The following STIM1 variants were observed in gnomAD, a reference collection of about 807,000 sequenced individuals.
STIM1 encodes the protein stromal interaction molecule 1.
Under a neutral mutation model 74.7 loss-of-function variants are expected in STIM1, and 25 were observed. That is an observed-to-expected ratio of 0.33 (90% CI 0.24 to 0.47). The LOEUF (loss-of-function observed/expected upper bound fraction) is 0.47, where lower values mean the gene tolerates loss of function less well. Among genes scored for constraint, STIM1 ranks in the 20% least tolerant of loss-of-function variants. The probability of loss-of-function intolerance (pLI) is 1.00; values close to 1 mark genes in which losing one functional copy is unlikely to be tolerated. For missense variants in STIM1, 728 were observed against 920.8 expected, an observed-to-expected ratio of 0.79 and a Z score of 2.71; for synonymous variants, 328 against 348.8, an observed-to-expected ratio of 0.94 and a Z score of 0.66.
chr11:4,029,313 G>A (rs2094027188), intron 3 of STIM1, among the ~76,000 whole-genome samples: 1 of 152,128 alleles, frequency 6.6e-6, no homozygotes, highest in Admixed American at 6.6e-5. Context: ...CAGTGGAGTA[G>A]TACAGCAGGT....
intron 5 of STIM1, among the ~76,000 whole-genome samples, chr11:4,069,583 G>T (rs1313334672): frequency 1.3e-5 from 2 of 152,192 alleles, no homozygotes; most frequent in Non-Finnish European, 2.9e-5. Flanking sequence ...CAGAACTGAG[G>T]CTTCTGGTGA....
intron 1 of STIM1, among the ~76,000 whole-genome samples, chr11:3,874,312 G>C (rs1286245649): frequency 6.6e-6 from 1 of 152,066 alleles, no homozygotes; most frequent in African/African-American, 2.4e-5. Flanking sequence ...TCCTTCTCTG[G>C]TATGTGTTCC....
chr11:3,943,152 A>G (rs1460617930), intron 1 of STIM1, among the ~76,000 whole-genome samples: 1 of 152,034 alleles, frequency 6.6e-6, no homozygotes, highest in Admixed American at 6.5e-5. Flanking sequence ...GATGTTTTGT[A>G]TTTCCTAAGG....
chr11:4,063,021 A>C (rs954072290), intron 5 of STIM1, among the ~76,000 whole-genome samples: 3 of 152,232 alleles, frequency 2.0e-5, no homozygotes, highest in Non-Finnish European at 4.4e-5. Context: ...CACATATTAT[A>C]TAATTTTGTG....
intron 6 of STIM1, 64 bp downstream of exon 6, chr11:4,070,267 C>A: frequency 6.3e-7 from 1 of 1,598,458 alleles, no homozygotes; most frequent in African/African-American, 1.3e-5. Context: ...CTATTTCCAC[C>A]TGGGTGTGAG....
At chr11:3,896,390 C>T (rs1171092451) in intron 1 of STIM1, among the ~76,000 whole-genome samples, 1 of 152,150 alleles carries the variant, frequency 6.6e-6, no homozygotes, top group Non-Finnish European at 1.5e-5. Flanking sequence ...TTGACTTACT[C>T]ACGATCATAG....
In STIM1 at chr11:3,895,683, C is replaced by CTTTCT. The variant is rs1491307323; in HGVS notation, c.139+39276_139+39277insTCTTT. ...CTTTCTTTCTTTCTTTCCTTCCTTC[C>CTTTCT]TTCTTTCTTTCTTTCTTTCTTTCTT... On this transcript the variant is annotated intron_variant, in intron 1 of 12. Transcript: ENST00000526596. 1.6e-4 allele frequency among the ~76,000 whole-genome samples: 6 copies of CTTTCT among 37,998 alleles called. 2 individuals are homozygous for CTTTCT. The highest frequency in any genetic ancestry group is 9.8e-4 in the South Asian group (1 of 1,020). The allele number at this position is 37,998 out of a possible 152,430, so 24.9% of individuals were successfully genotyped here. A position where few individuals can be genotyped will look rare whatever the true frequency, so the allele number is the denominator to read the frequency against.
intron 12 of STIM1, among the ~76,000 whole-genome samples, chr11:4,090,098 C>T (rs1590702294): frequency 6.6e-6 from 1 of 152,290 alleles, no homozygotes; most frequent in East Asian, 1.9e-4. Flanking sequence ...CATAACTCAG[C>T]CTTGCAAAGA....
chr11:4,001,064 C>T (rs1238423183), intron 2 of STIM1, among the ~76,000 whole-genome samples: 5 of 152,144 alleles, frequency 3.3e-5, no homozygotes. Context: ...CGAACAAAGC[C>T]TCCAAGAAAT....
intron 2 of STIM1, among the ~76,000 whole-genome samples, chr11:3,972,478 C>G (rs537926401): frequency 7.9e-5 from 12 of 152,072 alleles, no homozygotes; most frequent in Non-Finnish European, 1.6e-4. Flanking sequence ...TTTATAGACA[C>G]ATTTATTCAG....
intron 3 of STIM1, among the ~76,000 whole-genome samples, chr11:4,046,703 G>A (rs1387693991): frequency 6.6e-6 from 1 of 152,180 alleles, no homozygotes; most frequent in Non-Finnish European, 1.5e-5. Flanking sequence ...AGGCTGGAGT[G>A]CAATGGTGCA....
intron 2 of STIM1, chr11:3,999,468 A>G (rs2093692081): frequency 6.6e-6 from 1 of 152,294 alleles, no homozygotes; most frequent in African/African-American, 2.4e-5. Context: ...ATTGTAAAAG[A>G]CCTTGAATGC....
intron 1 of STIM1, among the ~76,000 whole-genome samples, chr11:3,946,666 G>A (rs988123720): frequency 2.0e-5 from 3 of 152,066 alleles, no homozygotes; most frequent in Admixed American, 1.3e-4. Flanking sequence ...GCCCTGTTTG[G>A]TTCTGTCATT....
At chr11:4,032,683 C>CT (rs1175251113) in intron 3 of STIM1, among the ~76,000 whole-genome samples, 1 of 152,166 alleles carries the variant, frequency 6.6e-6, no homozygotes, top group Admixed American at 6.5e-5. Flanking sequence ...AAGAGATACA[C>CT]TTTCTCTGGG....
At chr11:3,966,057 C>T (rs147619196) in intron 1 of STIM1, among the ~76,000 whole-genome samples, 51 of 152,176 alleles carry the variant, frequency 3.4e-4, no homozygotes, top group African/African-American at 1.2e-3. Flanking sequence ...CCCATTTCTT[C>T]AATGTTCTTC....
intron 1 of STIM1, among the ~76,000 whole-genome samples, chr11:3,873,825 G>C (rs773453853): frequency 1.4e-4 from 21 of 152,284 alleles, no homozygotes; most frequent in Non-Finnish European, 2.1e-4. Context: ...GTCAGAGCTT[G>C]GTGAGGCCTG....
intron 1 of STIM1, among the ~76,000 whole-genome samples, chr11:3,938,207 G>A (rs2092959921): frequency 6.6e-6 from 1 of 152,038 alleles, no homozygotes; most frequent in African/African-American, 2.4e-5. Context: ...CAAAGTGCTG[G>A]GATTACAGGC....
At chr11:3,899,970 A>G (rs1442513131) in intron 1 of STIM1, among the ~76,000 whole-genome samples, 3 of 152,018 alleles carry the variant, frequency 2.0e-5, no homozygotes, top group Non-Finnish European at 4.4e-5. Context: ...ATATTGGTCT[A>G]AAATTCTCTT....
chr11:3,858,093 T>C (rs928223669), intron 1 of STIM1, among the ~76,000 whole-genome samples: 2 of 152,222 alleles, frequency 1.3e-5, no homozygotes, highest in African/African-American at 4.8e-5. Flanking sequence ...TATTTATAAC[T>C]GATAATATGT....
Sources: gnomAD v4.1 joint callset for allele counts (sites outside exome capture counted in the v4.1 genomes callset) on GRCh38, gnomAD v4.1.1 for gene constraint, MANE v1.5 for transcripts, NCBI Gene and HGNC (gene_info 2026-07-23, HGNC 2026-07-21) for gene names.